Variants in UBE3A observed in about 807,000 individuals in gnomAD.
UBE3A encodes ubiquitin protein ligase E3A.
A neutral mutation model predicts 83.4 loss-of-function variants in UBE3A; 6 were observed. The observed-to-expected ratio is 0.07, with a 90% CI of 0.04 to 0.14. UBE3A has a LOEUF of 0.14. Among genes scored for constraint, UBE3A ranks in the 10% least tolerant of loss-of-function variants. UBE3A has a pLI of 1.00. For synonymous variants in UBE3A, 337 were observed against 355.4 expected (o/e 0.95, Z 0.58); for missense variants, 456 against 1,036.1 (o/e 0.44, Z 7.69).
At chr15:25,372,608 T>C (rs1055932731) in intron 5 of UBE3A, among the ~76,000 whole-genome samples, 1 of 152,228 alleles carries the variant, frequency 6.6e-6, no homozygotes, top group Non-Finnish European at 1.5e-5. Context: ...CTTTTTGAGA[T>C]AAGTGTTATT....
intron 6 of UBE3A, among the ~76,000 whole-genome samples, chr15:25,369,517 C>T (rs140718817): frequency 1.3e-5 from 2 of 152,060 alleles, no homozygotes; most frequent in East Asian, 1.9e-4. Context: ...AACTAAAATA[C>T]ATTTTAAAGT....
intron 4 of UBE3A, among the ~76,000 whole-genome samples, chr15:25,401,295 T>C (rs1056657860): frequency 1.3e-5 from 2 of 152,190 alleles, no homozygotes; most frequent in African/African-American, 4.8e-5. Flanking sequence ...CTGGCTTTGG[T>C]ATCTAGGTAA....
chr15:25,406,950 A>G (rs552405172), intron 3 of UBE3A: 70 of 468,798 alleles, frequency 1.5e-4, no homozygotes, highest in South Asian at 1.1e-3. Flanking sequence ...ACAAAATTAC[A>G]TAACAACTAA....
At chr15:25,380,457 C>T (rs2081987175) in intron 4 of UBE3A, among the ~76,000 whole-genome samples, 1 of 152,120 alleles carries the variant, frequency 6.6e-6, no homozygotes, top group African/African-American at 2.4e-5. Flanking sequence ...TCCAGTGACC[C>T]TGCCATCTAA....
intron 11 of UBE3A, among the ~76,000 whole-genome samples, chr15:25,348,877 C>A (rs1329194717): frequency 6.6e-6 from 1 of 152,218 alleles, no homozygotes; most frequent in Non-Finnish European, 1.5e-5. Context: ...AATGTGAATT[C>A]TCTCCAAATT....
At chr15:25,438,190 A>AGGCCCAAAT (rs1197830228) in intron 1 of UBE3A, 3 of 152,288 alleles carry the variant, frequency 2.0e-5, no homozygotes, top group Non-Finnish European at 4.4e-5. Context: ...GGCTCCTAGG[A>AGGCCCAAAT]GGCCCAAATC....
intron 1 of UBE3A, among the ~76,000 whole-genome samples, chr15:25,422,963 G>C (rs911479159): frequency 6.6e-6 from 1 of 151,108 alleles, no homozygotes. Context: ...GCTCCAGCCC[G>C]GGTGACAGAG....
chr15:25,398,190 A>AACAC, intron 4 of UBE3A, among the ~76,000 whole-genome samples: 1 of 98,352 alleles, frequency 1.0e-5, no homozygotes, highest in South Asian at 4.1e-4. Context: ...AAAAAAAAAA[A>AACAC]ACACAAAAAA....
chr15:25,373,083 GT>G (rs1170605629), intron 5 of UBE3A, among the ~76,000 whole-genome samples: 1 of 152,098 alleles, frequency 6.6e-6, no homozygotes, highest in Non-Finnish European at 1.5e-5. Flanking sequence ...TAATTCTCAG[GT>G]TTGTTCTATT....
At chr15:25,436,375 G>C (rs183275104) in intron 1 of UBE3A, among the ~76,000 whole-genome samples, 1 of 152,190 alleles carries the variant, frequency 6.6e-6, no homozygotes, top group Non-Finnish European at 1.5e-5. Context: ...CAAAATATGT[G>C]TAACATGATT....
At chr15:25,354,062 T>C in intron 11 of UBE3A, 3 of 450,140 alleles carry the variant, frequency 6.7e-6, no homozygotes, top group Non-Finnish European at 1.2e-5. Context: ...ATTTTAATTA[T>C]CTTCTAACCA....
chr15:25,400,052 T>C (rs2086698562), intron 4 of UBE3A, among the ~76,000 whole-genome samples: 2 of 152,340 alleles, frequency 1.3e-5, no homozygotes, highest in South Asian at 4.1e-4. Context: ...TTCTGTGAAA[T>C]TTAACATTGG....
chr15:25,386,085 GA>G (rs1156390548), intron 4 of UBE3A, among the ~76,000 whole-genome samples: 1 of 151,848 alleles, frequency 6.6e-6, no homozygotes, highest in Non-Finnish European at 1.5e-5. Context: ...TGGGGGAAGA[GA>G]AATAACCCAA....
At chr15:25,403,916 T>C (rs967818390) in intron 4 of UBE3A, among the ~76,000 whole-genome samples, 3 of 151,990 alleles carry the variant, frequency 2.0e-5, no homozygotes, top group African/African-American at 7.3e-5. Context: ...AGACACAAAG[T>C]AGAATAATGG....
chr15:25,396,499 T>C (rs1176522135), intron 4 of UBE3A, among the ~76,000 whole-genome samples: 1 of 152,148 alleles, frequency 6.6e-6, no homozygotes, highest in Non-Finnish European at 1.5e-5. Flanking sequence ...GGCACATGCC[T>C]GTAGTCCCAG....
At chr15:25,406,856 GAAA>G (rs11413336) in intron 3 of UBE3A, among the ~76,000 whole-genome samples, 4 of 114,676 alleles carry the variant, frequency 3.5e-5, no homozygotes, top group South Asian at 2.8e-4. Flanking sequence ...AATGGAAAAG[GAAA>G]AAAAAAAAAA....
At chr15:25,423,429 T>C (rs912994636) in intron 1 of UBE3A, among the ~76,000 whole-genome samples, 2 of 152,176 alleles carry the variant, frequency 1.3e-5, no homozygotes, top group Admixed American at 1.3e-4. Flanking sequence ...ATCTTATTTG[T>C]AGGAATCTAC....
intron 1 of UBE3A, chr15:25,420,568 C>T (rs544319007): frequency 6.6e-6 from 1 of 152,062 alleles, no homozygotes; most frequent in Non-Finnish European, 1.5e-5. Context: ...TTCTCAACAG[C>T]AGTCATGAAG....
At chr15:25,408,062 C>T (rs1279101951) in intron 3 of UBE3A, 1 of 153,404 alleles carries the variant, frequency 6.5e-6, no homozygotes, top group East Asian at 1.9e-4. Flanking sequence ...ATGATGAAAC[C>T]TCGTCTCTTA....
Sources: gnomAD v4.1 joint callset for allele counts (sites outside exome capture counted in the v4.1 genomes callset) on GRCh38, gnomAD v4.1.1 for gene constraint, MANE v1.5 for transcripts, NCBI Gene and HGNC (gene_info 2026-07-23, HGNC 2026-07-21) for gene names.